The following PRDM2 variants were observed in gnomAD, a reference collection of about 807,000 sequenced individuals.
The protein encoded by PRDM2 is PR domain zinc finger protein 2.
A neutral mutation model predicts 130.0 loss-of-function variants in PRDM2; 30 were observed. The observed-to-expected ratio is 0.23, with a 90% CI of 0.17 to 0.31. The LOEUF (loss-of-function observed/expected upper bound fraction) is 0.31. PRDM2 is among the 10% of genes least tolerant of loss of function. The pLI is 1.00. For synonymous variants in PRDM2, 871 were observed against 782.4 expected, an observed-to-expected ratio of 1.11 and a Z score of -1.89; for missense variants, 2,011 against 2,108.4, an observed-to-expected ratio of 0.95 and a Z score of 0.90.
intron 8 of PRDM2, among the ~76,000 whole-genome samples, chr1:13,815,544 C>T (rs1401919484): frequency 6.6e-6 from 1 of 152,018 alleles, no homozygotes; most frequent in African/African-American, 2.4e-5. Flanking sequence ...GGGATGGGGA[C>T]ACCTAAGGGG....
At chr1:13,813,610 T>A (rs529937978) in intron 8 of PRDM2, among the ~76,000 whole-genome samples, 1 of 152,200 alleles carries the variant, frequency 6.6e-6, no homozygotes, top group Non-Finnish European at 1.5e-5. Flanking sequence ...CCTCCTGGGC[T>A]GCTGGGAGGG....
intron 6 of PRDM2, chr1:13,770,419 CTTAT>C (rs1644332910): frequency 2.5e-6 from 1 of 405,164 alleles, no homozygotes; most frequent in African/African-American, 2.1e-5. Context: ...AGACATTTTA[CTTAT>C]TTAATACTCT....
intron 6 of PRDM2, among the ~76,000 whole-genome samples, chr1:13,760,927 T>C (rs985945560): frequency 1.3e-5 from 2 of 152,242 alleles, no homozygotes; most frequent in African/African-American, 4.8e-5. Flanking sequence ...ATTTTCCTTT[T>C]GCATCGTGGA....
Position 13,780,251 on chromosome 1 carries a change from G to A in PRDM2, c.2456G>A (p.Cys819Tyr), listed in dbSNP as rs1644577231. 1 of 1,613,558 alleles carries A rather than the reference G, an allele frequency of 6.2e-7. No homozygotes were observed. Among genetic ancestry groups the A allele is most frequent in the Non-Finnish European group, 8.5e-7 (1 of 1,179,754 alleles). ...WTASSAFSSV[C>Y]NQQPLDLSSG... ...GCTAGTTCTGCTTTTAGCAGTGTGT[G>A]CAACCAGCAGCCACTGGATTTATCC... Residue 819 changes from cysteine (C) to tyrosine (Y), a missense_variant, in exon 8 of 10, where the codon TGC (cysteine) becomes TAC (tyrosine). By Grantham distance (194) the Cys-to-Tyr change is radical. This residue lies in a region of PRDM2 where 1,288 missense variants were observed against 1,237.7 expected (regional missense o/e 1.04). Transcript: ENST00000311066.
chr1:13,817,360 A>C (rs58184301), intron 9 of PRDM2, among the ~76,000 whole-genome samples: 5,212 of 152,268 alleles, frequency 0.034, 301 homozygotes, highest in African/African-American at 0.12. Flanking sequence ...TTTTGGACTA[A>C]AACAGCCTCT....
At chr1:13,805,448 C>T (rs1333869306) in intron 8 of PRDM2, among the ~76,000 whole-genome samples, 3 of 152,096 alleles carry the variant, frequency 2.0e-5, no homozygotes, top group South Asian at 2.1e-4. Context: ...TCCTGAAGCA[C>T]GTGGGCCTTC....
chr1:13,729,692 G>A (rs1643039152), intron 2 of PRDM2, among the ~76,000 whole-genome samples: 1 of 152,134 alleles, frequency 6.6e-6, no homozygotes. Context: ...TTTGGAAAAT[G>A]TTTCAGGGAT....
At position 13,779,754 on chromosome 1, in the gene PRDM2, A is replaced by T. The variant is rs779245782; in HGVS notation, c.1959A>T (p.Glu653Asp). ...SPPALPKIKA[E>D]TDSDPMVPSC... ...CTGCACTGCCCAAAATTAAGGCCGA[A>T]ACAGACTCTGACCCCATGGTCCCCT... Residue 653 changes from glutamate to aspartate, a missense_variant, in exon 8 of 10, where the codon GAA becomes GAT. This residue lies in a region of PRDM2 where 1,288 missense variants were observed against 1,237.7 expected (regional missense o/e 1.04). Coordinates refer to ENST00000311066, the MANE Select transcript of PRDM2 (RefSeq NM_001393986.1). This position sits in a 1 kb window ranked among gnomAD's most constrained non-coding sequence, Gnocchi z 4.9. 1 of 1,614,204 alleles carries T rather than the reference A, an allele frequency of 6.2e-7. No individual in the cohort carries two copies.
At position 13,806,372 on chromosome 1, in the gene PRDM2, C is replaced by T. The variant is rs1016473640; in HGVS notation, c.5037-10055C>T. 3.9e-5 allele frequency among the ~76,000 whole-genome samples: 6 copies of T among 152,114 alleles called. No homozygotes were observed. The highest frequency in any genetic ancestry group is 7.2e-5 in the African/African-American group (3 of 41,412). ...ATACCACCTGGATGCTGACCAATCC[C>T]GGGTTTCCACCCTCATCAGAATCTC... On this transcript the variant is annotated intron_variant, in intron 8 of 9. Coordinates refer to ENST00000311066, the MANE Select transcript of PRDM2 (RefSeq NM_001393986.1). This position sits in a 1 kb window ranked among gnomAD's most constrained non-coding sequence, Gnocchi z 4.1.
chr1:13,809,514 A>C (rs1263621597), intron 8 of PRDM2, among the ~76,000 whole-genome samples: 1 of 152,050 alleles, frequency 6.6e-6, no homozygotes, highest in Non-Finnish European at 1.5e-5. Flanking sequence ...AGCAGGGTGG[A>C]GTGGCAGGCG....
chr1:13,768,237 C>T (rs1161946037), intron 6 of PRDM2, among the ~76,000 whole-genome samples: 4 of 151,530 alleles, frequency 2.6e-5, no homozygotes, highest in South Asian at 2.1e-4. Context: ...CGCCCACCAC[C>T]ACGCCCGGCT....
rs574879838 is a variant in PRDM2, at chr1:13,824,727, A to T, written c.*1592A>T. 5 of 152,342 alleles carry T rather than the reference A, an allele frequency of 3.3e-5. No individual in the cohort carries two copies. Among genetic ancestry groups the T allele is most frequent in the African/African-American group, 1.2e-4 (5 of 41,572 alleles). The allele number at this position is 152,342 out of a possible 1,614,324, so 9.4% of individuals were successfully genotyped here. On this transcript the variant is annotated 3_prime_UTR_variant, in exon 10 of 10. Coordinates refer to ENST00000311066, the MANE Select transcript of PRDM2 (RefSeq NM_001393986.1). Reference sequence around the variant, plus strand: ...TCCTAATGATGCGCTTTTGTCCCGTAAATGTTAACACTCATGAAGCATACC... The same window carrying T: ...TCCTAATGATGCGCTTTTGTCCCGTTAATGTTAACACTCATGAAGCATACC...
At position 13,782,579 on chromosome 1, in the gene PRDM2, T is replaced by G. The variant is rs1383838587; in HGVS notation, c.4784T>G (p.Val1595Gly). 6.2e-7 allele frequency: 1 copy of G among 1,614,204 alleles called. No individual in the cohort carries two copies. Among genetic ancestry groups the G allele is most frequent in the Non-Finnish European group, 8.5e-7 (1 of 1,180,038 alleles). Residue 1595 changes from valine to glycine, a missense_variant, in exon 8 of 10, where the codon GTG becomes GGG. By Grantham distance (109) the Val-to-Gly change is moderately radical. Coordinates refer to ENST00000311066, the MANE Select transcript of PRDM2 (RefSeq NM_001393986.1). ...GTTGAGGGGAAAAAACCTAAAGCTG[T>G]GGCCAAGAATCATTCTGCTCAGCTT... is the stretch of plus-strand genomic sequence containing the variant. ...THVEGKKPKA[V>G]AKNHSAQLSS...
chr1:13,762,310 G>A (rs1644118539), intron 6 of PRDM2, among the ~76,000 whole-genome samples: 2 of 152,328 alleles, frequency 1.3e-5, no homozygotes, highest in South Asian at 4.1e-4. Context: ...CACTTTTATG[G>A]GTATCTGTTT....
chr1:13,787,088 A>G (rs1036101783), intron 8 of PRDM2: 4 of 985,398 alleles, frequency 4.1e-6, no homozygotes, highest in African/African-American at 1.7e-5. Context: ...AATCACAAGT[A>G]GATTGCCAGC....
rs577858234 is a variant in PRDM2, at chr1:13,748,062, A to G, written c.385-1299A>G. Among the ~76,000 whole-genome samples the G allele has an allele frequency of 7.5e-4, 114 of 152,242 alleles. 1 individual carries two copies. Among genetic ancestry groups the G allele is most frequent in the African/African-American group, 2.7e-3 (111 of 41,530 alleles). ...ATTTTGTAGAATGTCCCAGAGTTTGAGCTTCTCTTATGGTTTCATCATGAT... is the reference window on the plus strand; with the variant it reads ...ATTTTGTAGAATGTCCCAGAGTTTGGGCTTCTCTTATGGTTTCATCATGAT... On this transcript the variant is annotated intron_variant, in intron 5 of 9. Coordinates refer to ENST00000311066, the MANE Select transcript of PRDM2 (RefSeq NM_001393986.1).
intron 9 of PRDM2, among the ~76,000 whole-genome samples, chr1:13,822,647 C>T (rs2495048): frequency 0.017 from 2,557 of 152,122 alleles, 75 homozygotes; most frequent in South Asian, 0.13. Flanking sequence ...TCGCCTCGGC[C>T]TCCCAAAGTG....
chr1:13,782,050 T>C lies in PRDM2; in HGVS notation c.4255T>C (p.Leu1419=), dbSNP rs745594834. 6.2e-7 allele frequency: 1 copy of C among 1,614,066 alleles called. No homozygotes were observed. The highest frequency in any genetic ancestry group is 1.1e-5 in the South Asian group (1 of 91,074). The change falls in exon 8 of 10, where the codon TTA becomes CTA. Residue 1419 remains leucine, a synonymous_variant. Transcript: ENST00000311066. ...LSKMSSNKLK[L]NALKKKNQLV... is the part of the protein sequence containing the mutation. ...CAAAATGTCGTCGAATAAGCTCAAA[T>C]TAAATGCATTGAAGAAAAAAAATCA...
Position 13,778,675 on chromosome 1 carries a change from G to A in PRDM2, c.880G>A (p.Glu294Lys), listed in dbSNP as rs1184697136. ...DDDDELEDEG[E>K]EEASMPNENS... The stretch of plus-strand genomic sequence containing the variant: ...TGATGATGAGTTGGAAGACGAGGGG[G>A]AAGAAGAAGCCAGCATGCCAAATGA... The change falls in exon 8 of 10, where the codon GAA becomes AAA. Residue 294 changes from glutamate (E) to lysine (K), a missense_variant. Around this residue, in one of 5 missense-constraint regions of PRDM2, gnomAD observed 1,288 missense variants for 1,237.7 expected, o/e 1.04. Transcript: ENST00000311066. The A allele has an allele frequency of 1.9e-6, 3 of 1,614,182 alleles. No individual in the cohort carries two copies. In the South Asian group the frequency reaches 3.3e-5, roughly 18 times the overall value.
Sources: gnomAD v4.1 joint callset for allele counts (sites outside exome capture counted in the v4.1 genomes callset) on GRCh38, gnomAD v4.1.1 for gene constraint, gnomAD v4.1.1 regional missense constraint, Gnocchi (gnomAD v3.1) non-coding constraint, MANE v1.5 for transcripts, NCBI Gene and HGNC (gene_info 2026-07-23, HGNC 2026-07-21) for gene names.